The following FAT1 variants were observed in gnomAD, a reference collection of about 807,000 sequenced individuals.
FAT1 encodes FAT atypical cadherin 1.
Under a neutral mutation model 329.8 loss-of-function variants are expected in FAT1, and 171 were observed. That is an observed-to-expected ratio of 0.52 (90% CI 0.46 to 0.59). FAT1 has a LOEUF of 0.59. Among genes scored for constraint, FAT1 ranks in the 20% least tolerant of loss-of-function variants. The pLI, the probability that FAT1 is intolerant of heterozygous loss-of-function variation, is 0.00. For synonymous variants in FAT1, 2,233 were observed against 2,228.6 expected (o/e 1.00, Z -0.06); for missense variants, 5,672 against 5,774.4 (o/e 0.98, Z 0.57).
chr4:186,618,827 T>C lies in FAT1; in HGVS notation c.7759A>G (p.Thr2587Ala), dbSNP rs1299762699. 7 of 1,613,926 alleles carry C rather than the reference T, an allele frequency of 4.3e-6. No individual in the cohort carries two copies. In the Admixed American group the frequency reaches 1.2e-4, roughly 27 times the overall value. The change falls in exon 10 of 27, where the codon ACA (threonine) becomes GCA (alanine). Residue 2587 changes from threonine (T) to alanine (A), a missense_variant. Thr to Ala is a moderately conservative substitution (Grantham distance 58). This residue lies in a region of FAT1 where 3,966 missense variants were observed against 3,915.2 expected (regional missense o/e 1.01). Transcript: ENST00000441802. ...VAFCTVNVIL[T>A]DDNDNAPQFR... ...TGTGGTGCATTGTCATTGTCATCTG[T>C]AAGGATGACATTCACGGTGCAGAAA...
intron 2 of FAT1, 38 bp from the exon 3 acceptor site, chr4:186,663,651 A>C (rs1742291863): frequency 6.6e-7 from 1 of 1,507,108 alleles, no homozygotes; most frequent in Non-Finnish European, 8.9e-7. Context: ...CAGCACATCA[A>C]CGACCAAAAC....
intron 3 of FAT1, among the ~76,000 whole-genome samples, chr4:186,644,555 T>C (rs570355943): frequency 4.5e-4 from 68 of 152,306 alleles, no homozygotes; most frequent in Non-Finnish European, 7.1e-4. Flanking sequence ...GTATGCACAA[T>C]GCAGTAACAA....
In FAT1 at chr4:186,619,284, A is replaced by T. The variant is rs2126503968; in HGVS notation, c.7302T>A (p.Asp2434Glu). The T allele has an allele frequency of 6.2e-7, 1 of 1,614,000 alleles. No homozygotes were observed. Among genetic ancestry groups the T allele is most frequent in the Non-Finnish European group, 8.5e-7 (1 of 1,179,898 alleles). ...CACTGTCAATGACAAAATGTTTATG[A>T]TCATTGCCAGACAGAATGGAATACT... Reference protein sequence around the residue: ...KLQYSILSGNDHKHFVIDSAT... With the variant: ...KLQYSILSGNEHKHFVIDSAT... Residue 2434 changes from aspartate (D) to glutamate (E), a missense_variant, in exon 10 of 27, where the codon GAT (aspartate) becomes GAA (glutamate). Asp to Glu is a conservative substitution (Grantham distance 45, BLOSUM62 2). Coordinates refer to ENST00000441802, the MANE Select transcript of FAT1 (RefSeq NM_005245.4).
At chr4:186,608,275 C>A (rs1739237137) in intron 16 of FAT1, among the ~76,000 whole-genome samples, 1 of 152,170 alleles carries the variant, frequency 6.6e-6, no homozygotes, top group Admixed American at 6.5e-5. Context: ...TTGCATATAA[C>A]CTATACACAT....
intron 2 of FAT1, among the ~76,000 whole-genome samples, chr4:186,667,522 T>C (rs933525565): frequency 9.2e-5 from 14 of 152,320 alleles, no homozygotes; most frequent in African/African-American, 3.4e-4. Flanking sequence ...AAGCTTCTGC[T>C]TCGATGCATT....
At chr4:186,691,733 C>T (rs184198301) in intron 2 of FAT1, among the ~76,000 whole-genome samples, 13 of 152,150 alleles carry the variant, frequency 8.5e-5, no homozygotes, top group African/African-American at 1.9e-4. Flanking sequence ...GCTTGAGCCC[C>T]GGAGTTCAAG....
Position 186,619,992 on chromosome 4 carries a change from G to A in FAT1, c.6594C>T (p.His2198=). 1.2e-6 allele frequency: 2 copies of A among 1,614,020 alleles called. No individual in the cohort carries two copies. Among genetic ancestry groups the A allele is most frequent in the East Asian group, 2.2e-5 (1 of 44,882 alleles). Residue 2198 remains histidine (H), a synonymous_variant, in exon 10 of 27, where the codon CAC becomes CAT. Transcript: ENST00000441802. The part of the protein sequence containing the change: ...SAEIAESIQV[H]SPVVHVQANS... Reference sequence around the variant, plus strand: ...TAGCCTGCACGTGGACCACAGGGCTGTGCACCTGGATGCTCTCTGCAATCT... The same window carrying A: ...TAGCCTGCACGTGGACCACAGGGCTATGCACCTGGATGCTCTCTGCAATCT...
chr4:186,604,467 CTCA>C lies in FAT1; in HGVS notation c.10455_10457del (p.Asp3485del). 1.2e-6 allele frequency: 2 copies of C among 1,613,980 alleles called. No homozygotes were observed. Among genetic ancestry groups the C allele is most frequent in the Non-Finnish European group, 1.7e-6 (2 of 1,179,864 alleles). ...CTTGCGGGTTAACTTCAAAAGCCTT[CTCA>C]TCATTTCCAGTTACAATAGTAAAGA... is the stretch of plus-strand genomic sequence containing the variant. On this transcript the variant is annotated inframe_deletion, in exon 18 of 27. Transcript: ENST00000441802.
At chr4:186,664,154 C>T (rs1268656639) in intron 2 of FAT1, among the ~76,000 whole-genome samples, 2 of 152,126 alleles carry the variant, frequency 1.3e-5, no homozygotes, top group Non-Finnish European at 2.9e-5. Context: ...AAGGCAGGAG[C>T]AGCATCCTCC....
intron 3 of FAT1, among the ~76,000 whole-genome samples, chr4:186,660,779 A>G (rs1742130201): frequency 6.6e-6 from 1 of 152,260 alleles, no homozygotes; most frequent in Non-Finnish European, 1.5e-5. Context: ...ACAACAAGAC[A>G]TAACACCATA....
intron 3 of FAT1, among the ~76,000 whole-genome samples, chr4:186,661,593 G>C (rs959028893): frequency 2.0e-5 from 3 of 152,232 alleles, no homozygotes; most frequent in African/African-American, 7.2e-5. Flanking sequence ...AAATGCCTGT[G>C]CGTGGGACCC....
rs184200033 is a variant in FAT1 at position 186,598,551 on chromosome 4, A to G, written c.12104-426T>C. 487 of 153,410 alleles carry G rather than the reference A, an allele frequency of 3.2e-3. 2 individuals carry two copies. The highest frequency in any genetic ancestry group is 0.011 in the African/African-American group (466 of 41,584). 9.5% of individuals were successfully genotyped at this position (153,410 alleles called of 1,614,324 possible). ...CCTTTCAATATTTTTATTTTTTGAG[A>G]CAGGGTCTCGCTCTGCCACCCAGGC... On this transcript the variant is annotated intron_variant, in intron 22 of 26. Coordinates refer to ENST00000441802, the MANE Select transcript of FAT1 (RefSeq NM_005245.4).
Position 186,619,294 on chromosome 4 carries a change from G to C in FAT1, c.7292C>G (p.Ser2431Cys), listed in dbSNP as rs759167890. The C allele has an allele frequency of 2.0e-5, 33 of 1,613,918 alleles. No individual in the cohort carries two copies. The highest frequency in any genetic ancestry group is 2.7e-5 in the Non-Finnish European group (32 of 1,179,908). The change falls in exon 10 of 27, where the codon TCT (serine) becomes TGT (cysteine). Residue 2431 changes from serine to cysteine, a missense_variant. Ser to Cys is a moderately radical substitution (Grantham distance 112). This residue lies in a region of FAT1 where 3,966 missense variants were observed against 3,915.2 expected (regional missense o/e 1.01). Coordinates refer to ENST00000441802, the MANE Select transcript of FAT1 (RefSeq NM_005245.4). ...DIDKLQYSIL[S>C]GNDHKHFVID... ...GACAAAATGTTTATGATCATTGCCA[G>C]ACAGAATGGAATACTGCAACTTGTC...
At chr4:186,631,185 C>G (rs1373227725) in intron 7 of FAT1, among the ~76,000 whole-genome samples, 1 of 152,164 alleles carries the variant, frequency 6.6e-6, no homozygotes, top group Non-Finnish European at 1.5e-5. Context: ...ACTTCCAAGC[C>G]CCAATCCATC....
Position 186,588,325 on chromosome 4 carries a change from A to G in FAT1, c.*267T>C, listed in dbSNP as rs1167526859. 4.5e-6 allele frequency: 2 copies of G among 447,104 alleles called. No individual in the cohort carries two copies. Among genetic ancestry groups the G allele is most frequent in the East Asian group, 6.8e-5 (2 of 29,370 alleles). 27.7% of individuals were successfully genotyped at this position (447,104 alleles called of 1,614,324 possible). On this transcript the variant is annotated 3_prime_UTR_variant, in exon 27 of 27. Transcript: ENST00000441802. Reference sequence around the variant, plus strand: ...AATACATGAATCATGCTGACAACACAGGACTGATTTTTCGTTTGATTATTT... The same window carrying G: ...AATACATGAATCATGCTGACAACACGGGACTGATTTTTCGTTTGATTATTT...
At chr4:186,594,009 T>C (rs531717130) in intron 26 of FAT1, among the ~76,000 whole-genome samples, 9 of 152,324 alleles carry the variant, frequency 5.9e-5, no homozygotes, top group African/African-American at 1.9e-4. Flanking sequence ...CTCTGCATTG[T>C]ACTATCTGGA....
intron 12 of FAT1, 148 bp downstream of exon 12, chr4:186,614,043 G>A (rs1158693416): frequency 1.6e-6 from 1 of 614,782 alleles, no homozygotes; most frequent in Admixed American, 3.4e-5. Flanking sequence ...TTGCTGGTAA[G>A]ATTTCTAAGA....
chr4:186,643,772 T>C (rs1043857704), intron 3 of FAT1, among the ~76,000 whole-genome samples: 6 of 151,368 alleles, frequency 4.0e-5, no homozygotes, highest in African/African-American at 1.5e-4. Flanking sequence ...TCTGTGAGCA[T>C]CACTCCTGCT....
At chr4:186,672,322 G>C (rs1301312512) in intron 2 of FAT1, among the ~76,000 whole-genome samples, 1 of 152,098 alleles carries the variant, frequency 6.6e-6, no homozygotes, top group Non-Finnish European at 1.5e-5. Flanking sequence ...AGCATCCCTC[G>C]TGGGCCAATC....
Sources: allele counts gnomAD v4.1 joint callset (sites outside exome capture counted in the v4.1 genomes callset), GRCh38; gene constraint gnomAD v4.1.1; regional missense constraint gnomAD v4.1.1; transcripts MANE v1.5; gene names NCBI Gene and HGNC (gene_info 2026-07-23, HGNC 2026-07-21).